Variants in NMU observed in about 807,000 individuals in gnomAD.
NMU encodes the protein neuromedin U, also known as neuromedin-U.
NMU carries 29 observed loss-of-function variants against 35.4 expected under a neutral mutation model. The observed-to-expected ratio is 0.82, with a 90% CI of 0.61 to 1.12. The LOEUF (loss-of-function observed/expected upper bound fraction) is 1.12, where lower values mean the gene tolerates loss of function less well. Ranked by LOEUF, NMU falls within the 50% of genes most tolerant of loss-of-function variation. The pLI is 0.00. For missense variants in NMU, 199 were observed against 206.2 expected (o/e 0.97, Z 0.21); for synonymous variants, 78 against 81.3 (o/e 0.96, Z 0.22).
chr4:55,627,240 A>G (rs1734569993), intron 2 of NMU, among the ~76,000 whole-genome samples: 1 of 151,292 alleles, frequency 6.6e-6, no homozygotes, highest in Non-Finnish European at 1.5e-5. Context: ...TTCTTGTGAA[A>G]TTACCATGCC....
At chr4:55,608,123 C>A (rs1020158284) in intron 4 of NMU, among the ~76,000 whole-genome samples, 3 of 136,832 alleles carry the variant, frequency 2.2e-5, no homozygotes, top group African/African-American at 8.2e-5. Flanking sequence ...TGCAGTGAGC[C>A]GAGATGGCGC....
chr4:55,636,240 C>A lies in NMU; in HGVS notation c.-48G>T. The A allele has an allele frequency of 1.4e-6, 2 of 1,421,866 alleles. No homozygotes were observed. The highest frequency in any genetic ancestry group is 9.1e-7 in the Non-Finnish European group (1 of 1,097,760). The allele number at this position is 1,421,866 out of a possible 1,614,324, so 88.1% of individuals were successfully genotyped here. ...GTGCTAGGGACGCTGCGCTGCGCCA[C>A]GCGTAGCTGGTGCTCCACCTGGTGC... On this transcript the variant is annotated 5_prime_UTR_variant, in exon 1 of 10. Transcript: ENST00000264218. The surrounding 1 kb of genome is among the most constrained non-coding windows in gnomAD (Gnocchi z 4.0).
intron 1 of NMU, among the ~76,000 whole-genome samples, chr4:55,632,790 C>T (rs965995383): frequency 2.6e-5 from 4 of 152,160 alleles, no homozygotes; most frequent in African/African-American, 9.7e-5. Context: ...CTCAACTTCA[C>T]TGTGTTCAGA....
intron 2 of NMU, among the ~76,000 whole-genome samples, chr4:55,617,836 C>T (rs889834019): frequency 6.6e-6 from 1 of 152,138 alleles, no homozygotes; most frequent in African/African-American, 2.4e-5. Context: ...CCAGGCTGCC[C>T]ATCTATGTGA....
intron 3 of NMU, among the ~76,000 whole-genome samples, chr4:55,615,458 C>T (rs577538224): frequency 1.4e-4 from 21 of 152,114 alleles, no homozygotes; most frequent in Non-Finnish European, 2.8e-4. Context: ...ATAGCAAACA[C>T]GCTTGATATC....
intron 4 of NMU, among the ~76,000 whole-genome samples, chr4:55,607,763 T>C (rs1179477078): frequency 6.6e-6 from 1 of 152,222 alleles, no homozygotes; most frequent in East Asian, 1.9e-4. Flanking sequence ...GGGAAATTAT[T>C]ATATCATGAC....
At chr4:55,623,816 CAG>C (rs1371602393) in intron 2 of NMU, among the ~76,000 whole-genome samples, 1 of 18,214 alleles carries the variant, frequency 5.5e-5, no homozygotes, top group African/African-American at 1.9e-4. Context: ...GGTACCAAAA[CAG>C]AGATATAGAT....
intron 2 of NMU, among the ~76,000 whole-genome samples, chr4:55,625,883 A>T (rs1416135943): frequency 6.6e-6 from 1 of 151,672 alleles, no homozygotes; most frequent in Non-Finnish European, 1.5e-5. Context: ...ATGTGTGCCC[A>T]CCACATGTTG....
At chr4:55,611,381 A>T (rs1733924212) in intron 3 of NMU, among the ~76,000 whole-genome samples, 2 of 152,184 alleles carry the variant, frequency 1.3e-5, no homozygotes, top group African/African-American at 4.8e-5. Flanking sequence ...AAAAATTAAA[A>T]AGTTTATAAA....
chr4:55,609,264 A>G (rs73236160), intron 3 of NMU, 85 bp from the exon 4 acceptor site: 56,310 of 989,662 alleles, frequency 0.057, 1,916 homozygotes, highest in Non-Finnish European at 0.069. Flanking sequence ...TGTTAGGGGC[A>G]TGAGGAAATG....
chr4:55,598,572 A>C (rs963986573), intron 9 of NMU, among the ~76,000 whole-genome samples: 9 of 152,168 alleles, frequency 5.9e-5, no homozygotes, highest in South Asian at 2.1e-4. Context: ...ACAGCTACTA[A>C]ATTTCTACTC....
intron 2 of NMU, among the ~76,000 whole-genome samples, chr4:55,629,445 C>A (rs891196446): frequency 6.6e-6 from 1 of 151,316 alleles, no homozygotes; most frequent in Non-Finnish European, 1.5e-5. Flanking sequence ...ATGGTGAAAC[C>A]CCGTCTCTAC....
intron 1 of NMU, among the ~76,000 whole-genome samples, chr4:55,631,375 G>C (rs1444826875): frequency 6.6e-6 from 1 of 152,158 alleles, no homozygotes; most frequent in Non-Finnish European, 1.5e-5. Context: ...ATAATTAGCA[G>C]AGTAAACAGA....
At chr4:55,617,556 T>G (rs1209364691) in intron 2 of NMU, among the ~76,000 whole-genome samples, 1 of 151,912 alleles carries the variant, frequency 6.6e-6, no homozygotes, top group African/African-American at 2.4e-5. Flanking sequence ...AGGGGCCGTG[T>G]TATCGCTAAA....
chr4:55,619,615 C>A (rs4506899), intron 2 of NMU, among the ~76,000 whole-genome samples: 100,278 of 105,114 alleles, frequency 0.95, 47,891 homozygotes, highest in East Asian at 1. Flanking sequence ...CCCAGGCTTG[C>A]TTAGGTAAAC....
chr4:55,595,305 G>C lies in NMU; in HGVS notation c.*111C>G, dbSNP rs977494296. On this transcript the variant is annotated 3_prime_UTR_variant, in exon 10 of 10. Transcript: ENST00000264218. ...TACAACTGAGAACATTGACAACACA[G>C]GGATTTTCAACAGAGTACATTTAGC... 15 of 152,362 alleles carry C rather than the reference G, an allele frequency of 9.8e-5. No individual in the cohort carries two copies. The highest frequency in any genetic ancestry group is 6.8e-3 in the Middle Eastern group (2 of 294). The allele number at this position is 152,362 out of a possible 1,614,324, so 9.4% of individuals were successfully genotyped here.
At chr4:55,618,496 G>T (rs543816817) in intron 2 of NMU, among the ~76,000 whole-genome samples, 11 of 152,014 alleles carry the variant, frequency 7.2e-5, no homozygotes, top group Non-Finnish European at 1.5e-4. Context: ...GTGTTGGTTT[G>T]CTGTAGCTCT....
chr4:55,616,425 A>T lies in NMU; in HGVS notation c.172-40T>A, dbSNP rs376338539. 4.8e-4 allele frequency: 666 copies of T among 1,389,710 alleles called. 1 individual carries two copies. The highest frequency in any genetic ancestry group is 6.5e-4 in the Non-Finnish European group (637 of 975,988). 86.1% of individuals were successfully genotyped at this position (1,389,710 alleles called of 1,614,324 possible). On this transcript the variant is annotated intron_variant, in intron 2 of 9. Coordinates refer to ENST00000264218, the MANE Select transcript of NMU (RefSeq NM_006681.4). Reference sequence around the variant, plus strand: ...AATGTCAGTTACATCCTGGGAATGGACAGAAAATAACAGAAAGTAGATTTT... The same window carrying T: ...AATGTCAGTTACATCCTGGGAATGGTCAGAAAATAACAGAAAGTAGATTTT...
chr4:55,636,201 C>T lies in NMU; in HGVS notation c.-9G>A. The T allele has an allele frequency of 6.8e-7, 1 of 1,480,460 alleles. No homozygotes were observed. Among genetic ancestry groups the T allele is most frequent in the Non-Finnish European group, 8.9e-7 (1 of 1,124,596 alleles). 91.7% of individuals were successfully genotyped at this position (1,480,460 alleles called of 1,614,324 possible). A position where few individuals can be genotyped will look rare whatever the true frequency, so the allele number is the denominator to read the frequency against. On this transcript the variant is annotated 5_prime_UTR_variant, in exon 1 of 10. Transcript: ENST00000264218. The surrounding 1 kb of genome is among the most constrained non-coding windows in gnomAD (Gnocchi z 4.0). ...CTCTCTGTTCGCAGCATCTCGGCGG[C>T]TGCGGGAGGCTCGGTGCTAGGGACG...
Sources: gnomAD v4.1 joint callset for allele counts (sites outside exome capture counted in the v4.1 genomes callset) on GRCh38, gnomAD v4.1.1 for gene constraint, Gnocchi (gnomAD v3.1) non-coding constraint, MANE v1.5 for transcripts, NCBI Gene and HGNC (gene_info 2026-07-23, HGNC 2026-07-21) for gene names.